NXPE2: variants seen among roughly 807,000 people sequenced by gnomAD.
NXPE2 encodes neurexophilin and PC-esterase domain family member 2, also known as NXPE family member 2.
In NXPE2, 34 loss-of-function variants were observed where a neutral mutation model predicts 34.4. The observed-to-expected ratio is 0.99, with a 90% CI of 0.75 to 1.31. The LOEUF (loss-of-function observed/expected upper bound fraction) is 1.31, where lower values mean the gene tolerates loss of function less well. NXPE2 is among the 40% of genes most tolerant of loss of function. The pLI is 0.00. For synonymous variants in NXPE2, 235 were observed against 231.3 expected (o/e 1.02, Z -0.15); for missense variants, 649 against 672.5 (o/e 0.97, Z 0.39).
At chr11:114,469,257 G>T in the NXPE2 span, among the ~76,000 whole-genome samples, 1 of 148,774 alleles carries the variant, frequency 6.7e-6, no homozygotes, top group Non-Finnish European at 1.5e-5. Context: ...GACTACAGGC[G>T]CCTGCCACCA....
At chr11:114,700,249 G>A (rs1227445233) in intron 3 of NXPE2, among the ~76,000 whole-genome samples, 3 of 152,090 alleles carry the variant, frequency 2.0e-5, no homozygotes, top group African/African-American at 4.8e-5. Flanking sequence ...ATGACCCCAC[G>A]GCTCTAAGGG....
intron 2 of NXPE2, among the ~76,000 whole-genome samples, chr11:114,684,567 C>T (rs1328091864): frequency 6.6e-6 from 1 of 151,878 alleles, no homozygotes; most frequent in African/African-American, 2.4e-5. Flanking sequence ...TCCTGAGGAA[C>T]AAAATAAGCA....
the NXPE2 span, among the ~76,000 whole-genome samples, chr11:114,560,273 C>CT: frequency 0.36 from 48,133 of 135,092 alleles, 8,636 homozygotes; most frequent in East Asian, 0.64. Context: ...CTTTTTTTTT[C>CT]TTTTTTTTTT....
chr11:114,538,070 C>T, the NXPE2 span, among the ~76,000 whole-genome samples: 2 of 152,052 alleles, frequency 1.3e-5, no homozygotes, highest in Non-Finnish European at 2.9e-5. Context: ...GGTACTGGTA[C>T]CAAAACAGAG....
At chr11:114,717,973 G>A in the NXPE2 span, among the ~76,000 whole-genome samples, 1 of 152,166 alleles carries the variant, frequency 6.6e-6, no homozygotes, top group Non-Finnish European at 1.5e-5. Context: ...TATCACGGGA[G>A]AATGTCCGTT....
the NXPE2 span, among the ~76,000 whole-genome samples, chr11:114,789,679 C>T: frequency 1.3e-5 from 2 of 152,160 alleles, no homozygotes; most frequent in Non-Finnish European, 2.9e-5. Context: ...AAAGGCTTCA[C>T]ATCTGGGGGG....
At chr11:114,468,336 G>C in the NXPE2 span, among the ~76,000 whole-genome samples, 1 of 152,192 alleles carries the variant, frequency 6.6e-6, no homozygotes, top group Admixed American at 6.5e-5. Flanking sequence ...AGTGGGCTGG[G>C]AGACCCCAGG....
At chr11:114,666,969 C>T in the NXPE2 span, among the ~76,000 whole-genome samples, 3 of 152,256 alleles carry the variant, frequency 2.0e-5, no homozygotes, top group African/African-American at 7.2e-5. Context: ...ACACCCATAG[C>T]CCTCAGAAAC....
the NXPE2 span, among the ~76,000 whole-genome samples, chr11:114,666,555 A>G: frequency 8.5e-5 from 13 of 152,212 alleles, no homozygotes; most frequent in African/African-American, 3.1e-4. Context: ...AAATGGCATA[A>G]GAAATTAACT....
intron 3 of NXPE2, 62 bp downstream of exon 3, chr11:114,698,840 T>A: frequency 7.1e-7 from 1 of 1,413,596 alleles, no homozygotes; most frequent in Non-Finnish European, 9.3e-7. Flanking sequence ...CTCTGCCTAG[T>A]AGTTTTGCCT....
the NXPE2 span, among the ~76,000 whole-genome samples, chr11:114,663,670 C>T: frequency 1.6e-4 from 18 of 113,732 alleles, no homozygotes; most frequent in South Asian, 6.3e-4. Flanking sequence ...TATCTATCAT[C>T]TATCTATTTA....
At chr11:114,681,550 T>C (rs1051587973) in intron 2 of NXPE2, among the ~76,000 whole-genome samples, 7 of 152,168 alleles carry the variant, frequency 4.6e-5, no homozygotes, top group Admixed American at 3.9e-4. Flanking sequence ...TTCATGTAAC[T>C]TCCACGTAGT....
At chr11:114,755,995 G>C in the NXPE2 span, among the ~76,000 whole-genome samples, 1 of 152,168 alleles carries the variant, frequency 6.6e-6, no homozygotes, top group African/African-American at 2.4e-5. Flanking sequence ...GGGATGAAAA[G>C]AGTGATAAGT....
At chr11:114,476,834 T>G in the NXPE2 span, among the ~76,000 whole-genome samples, 38,570 of 152,012 alleles carry the variant, frequency 0.25, 5,037 homozygotes, top group East Asian at 0.37. Flanking sequence ...CTAAACCATA[T>G]CAATAGTGTG....
At chr11:114,744,703 A>G in the NXPE2 span, among the ~76,000 whole-genome samples, 1 of 152,132 alleles carries the variant, frequency 6.6e-6, no homozygotes, top group Admixed American at 6.5e-5. Context: ...CTTGCTACTC[A>G]GGTGCCTAAG....
chr11:114,760,327 A>C, the NXPE2 span, among the ~76,000 whole-genome samples: 4 of 152,194 alleles, frequency 2.6e-5, no homozygotes, highest in African/African-American at 9.6e-5. Context: ...CCAGGTAAGA[A>C]TATGTCGGTG....
At chr11:114,656,324 G>T in the NXPE2 span, among the ~76,000 whole-genome samples, 1 of 152,136 alleles carries the variant, frequency 6.6e-6, no homozygotes, top group Non-Finnish European at 1.5e-5. Context: ...TGGATAGGAA[G>T]AATCAATATC....
the NXPE2 span, among the ~76,000 whole-genome samples, chr11:114,601,889 T>C: frequency 2.3e-5 from 1 of 43,152 alleles, no homozygotes; most frequent in Non-Finnish European, 4.7e-5. Context: ...TATAATTATA[T>C]ATTATATTTA....
the NXPE2 span, among the ~76,000 whole-genome samples, chr11:114,809,920 A>C: frequency 7.1e-3 from 1,019 of 144,308 alleles, 19 homozygotes; most frequent in African/African-American, 0.025. Flanking sequence ...TGGAGGCATC[A>C]CACTACCTGA....
Sources: allele counts gnomAD v4.1 joint callset (sites outside exome capture counted in the v4.1 genomes callset), GRCh38; gene constraint gnomAD v4.1.1; transcripts MANE v1.5; gene names NCBI Gene and HGNC (gene_info 2026-07-23, HGNC 2026-07-21).